KIAA1217: variants seen among roughly 807,000 people sequenced by gnomAD.
The protein encoded by KIAA1217 is KIAA1217.
In KIAA1217, 88 loss-of-function variants were observed where a neutral mutation model predicts 163.9. That is an observed-to-expected ratio of 0.54 (90% confidence interval 0.45 to 0.64). The LOEUF (loss-of-function observed/expected upper bound fraction) is 0.64. Among genes scored for constraint, KIAA1217 ranks in the 30% least tolerant of loss-of-function variants. The pLI is 0.00. For missense variants in KIAA1217, 2,372 were observed against 2,475.0 expected, an observed-to-expected ratio of 0.96 and a Z score of 0.88; for synonymous variants, 903 against 923.1, an observed-to-expected ratio of 0.98 and a Z score of 0.39.
chr10:24,441,465 C>T (rs903032023), intron 5 of KIAA1217, among the ~76,000 whole-genome samples: 4 of 152,140 alleles, frequency 2.6e-5, no homozygotes, highest in Admixed American at 6.5e-5. Flanking sequence ...AAACAGTCTT[C>T]CCAGAGCGGT....
intron 3 of KIAA1217, among the ~76,000 whole-genome samples, chr10:24,399,680 G>A (rs1399694983): frequency 1.3e-5 from 2 of 152,158 alleles, no homozygotes; most frequent in East Asian, 1.9e-4. Flanking sequence ...GAGAGTTAAT[G>A]TGAGGTTGAA....
intron 2 of KIAA1217, among the ~76,000 whole-genome samples, chr10:24,131,412 C>T (rs1408494002): frequency 1.3e-5 from 2 of 152,120 alleles, no homozygotes; most frequent in African/African-American, 2.4e-5. Context: ...AGAATGAACA[C>T]AATATGGAGA....
chr10:24,216,827 CA>C (rs199499926), intron 1 of KIAA1217, among the ~76,000 whole-genome samples: 1,577 of 55,770 alleles, frequency 0.028, 10 homozygotes, highest in East Asian at 0.11. Flanking sequence ...ACTCTGTGTC[CA>C]AAAAAAAAAA....
chr10:24,147,481 G>A (rs928389839), intron 2 of KIAA1217, among the ~76,000 whole-genome samples: 2 of 152,148 alleles, frequency 1.3e-5, no homozygotes, highest in Non-Finnish European at 2.9e-5. Context: ...GATGTGCTAT[G>A]TCTAAATTGT....
At chr10:24,073,919 A>G (rs947756648) in intron 2 of KIAA1217, among the ~76,000 whole-genome samples, 2 of 152,028 alleles carry the variant, frequency 1.3e-5, no homozygotes, top group African/African-American at 4.8e-5. Flanking sequence ...GGGGAGCATA[A>G]TTGGGTGGAT....
At chr10:23,916,509 C>T (rs75210006) in intron 1 of KIAA1217, among the ~76,000 whole-genome samples, 3,338 of 141,390 alleles carry the variant, frequency 0.024, 69 homozygotes, top group African/African-American at 0.055. Context: ...GAATTGCAGT[C>T]GCTTGCTTGT....
At chr10:24,505,394 G>A (rs1023579640) in intron 9 of KIAA1217, among the ~76,000 whole-genome samples, 3 of 151,684 alleles carry the variant, frequency 2.0e-5, no homozygotes, top group African/African-American at 7.3e-5. Context: ...CCTAACAGAT[G>A]TTCTCCTCCA....
At chr10:23,900,216 G>C (rs900592999) in intron 1 of KIAA1217, among the ~76,000 whole-genome samples, 1 of 151,950 alleles carries the variant, frequency 6.6e-6, no homozygotes, top group Non-Finnish European at 1.5e-5. Flanking sequence ...ATGTTGGCCA[G>C]GCTGGTCTTG....
chr10:23,727,597 A>G (rs1401414816), intron 1 of KIAA1217, among the ~76,000 whole-genome samples: 2 of 152,174 alleles, frequency 1.3e-5, no homozygotes, highest in Non-Finnish European at 2.9e-5. Context: ...ATGCACATAC[A>G]TAGTTATATT....
At chr10:24,390,478 AAG>A (rs2054735106) in intron 3 of KIAA1217, among the ~76,000 whole-genome samples, 1 of 99,662 alleles carries the variant, frequency 1.0e-5, no homozygotes, top group Non-Finnish European at 2.3e-5. Flanking sequence ...GGAGGGAGGG[AAG>A]GAAGGAAGGA....
rs1457318899 is a variant in KIAA1217, at chr10:24,108,355, T to C, written c.-171+100981T>C. 7.9e-5 allele frequency among the ~76,000 whole-genome samples: 12 copies of C among 152,300 alleles called. No individual in the cohort carries two copies. The East Asian group carries it at 2.3e-3, about 29-fold the overall frequency. On this transcript the variant is annotated intron_variant, in intron 2 of 18. Transcript: ENST00000376462. ...TAGAATTCAATGATTGGGGGTTTCT[T>C]AAGATTGAAAAGACTTTTGAGGTTG...
At position 24,285,174 on chromosome 10, in the gene KIAA1217, G is replaced by T. The variant is rs1489826003; in HGVS notation, c.354+65265G>T. 2.0e-5 allele frequency among the ~76,000 whole-genome samples: 3 copies of T among 152,262 alleles called. No individual in the cohort carries two copies. The East Asian group carries it at 5.8e-4, about 29-fold the overall frequency. ...GTTTGCAAATATTTTCTCTCATTCT[G>T]TAGGTTGTTCAGCCTGTTGATAGTA... On this transcript the variant is annotated intron_variant, in intron 2 of 20. Coordinates refer to ENST00000376454, the MANE Select transcript of KIAA1217 (RefSeq NM_019590.5).
intron 2 of KIAA1217, among the ~76,000 whole-genome samples, chr10:24,184,266 C>T (rs1404501077): frequency 6.6e-6 from 1 of 152,128 alleles, no homozygotes; most frequent in African/African-American, 2.4e-5. Flanking sequence ...CCAGTGGAAT[C>T]ACTGGATAAT....
chr10:23,896,779 T>C (rs74669243), intron 1 of KIAA1217, among the ~76,000 whole-genome samples: 2,592 of 152,198 alleles, frequency 0.017, 42 homozygotes, highest in Admixed American at 0.048. Context: ...TTATCAGTTA[T>C]ATTTTTAAAT....
intron 3 of KIAA1217, among the ~76,000 whole-genome samples, chr10:24,411,023 A>T (rs1366492886): frequency 2.0e-5 from 3 of 152,148 alleles, no homozygotes; most frequent in Admixed American, 2.0e-4. Context: ...CGTGTAAGAG[A>T]GGCACCACCT....
In KIAA1217 at chr10:24,089,004, A is replaced by G. The variant is rs549727458; in HGVS notation, c.-171+81630A>G. Among the ~76,000 whole-genome samples the G allele has an allele frequency of 3.9e-4, 49 of 125,292 alleles. 4 individuals carry two copies. The highest frequency in any genetic ancestry group is 1.1e-3 in the African/African-American group (45 of 39,950). The allele number at this position is 125,292 out of a possible 152,430, so 82.2% of individuals were successfully genotyped here. On this transcript the variant is annotated intron_variant, in intron 2 of 18. Coordinates refer to the KIAA1217 transcript ENST00000376462. ...TTGCTGTTCTAACTAGTGTGAGATG[A>G]TATCTCACTGTGGTTTTGATTTGCA...
chr10:24,226,076 G>T (rs1460460006), intron 2 of KIAA1217, among the ~76,000 whole-genome samples: 1 of 152,058 alleles, frequency 6.6e-6, no homozygotes, highest in African/African-American at 2.4e-5. Flanking sequence ...GTTAGGAATG[G>T]CTAAGTAATT....
chr10:24,514,987 G>A (rs1052684742), intron 10 of KIAA1217, among the ~76,000 whole-genome samples: 15 of 151,244 alleles, frequency 9.9e-5, no homozygotes, highest in East Asian at 1.9e-4. Flanking sequence ...GCACAACTCC[G>A]TCTCAAAAAA....
At chr10:24,020,969 A>G (rs965798379) in intron 2 of KIAA1217, among the ~76,000 whole-genome samples, 10 of 152,068 alleles carry the variant, frequency 6.6e-5, no homozygotes, top group African/African-American at 2.4e-4. Context: ...TCTACCTGCA[A>G]CCTATACTCA....
Sources: gnomAD v4.1 joint callset for allele counts (sites outside exome capture counted in the v4.1 genomes callset) on GRCh38, gnomAD v4.1.1 for gene constraint, MANE v1.5 for transcripts, NCBI Gene and HGNC (gene_info 2026-07-23, HGNC 2026-07-21) for gene names.